Variants in EPB41L1 observed in about 807,000 individuals in gnomAD.
EPB41L1 encodes the protein band 4.1-like protein 1.
Under a neutral mutation model 97.8 loss-of-function variants are expected in EPB41L1, and 29 were observed. The ratio of observed to expected loss-of-function variants is 0.30; its 90% CI spans 0.22 to 0.40. The LOEUF is 0.40. Among genes scored for constraint, EPB41L1 ranks in the 10% least tolerant of loss-of-function variants. EPB41L1 has a pLI of 1.00. For missense variants in EPB41L1, 812 were observed against 1,162.3 expected (o/e 0.70, Z 4.38); for synonymous variants, 383 against 459.2 (o/e 0.83, Z 2.12).
chr20:36,222,398 A>G lies in EPB41L1; in HGVS notation c.2637+4A>G, dbSNP rs747113813. 2 of 1,603,940 alleles carry G rather than the reference A, an allele frequency of 1.2e-6. No homozygotes were observed. The highest frequency in any genetic ancestry group is 1.3e-5 in the African/African-American group (1 of 74,856). On this transcript the variant is annotated splice_donor_region_variant and intron_variant, in intron 21 of 21. Transcript: ENST00000338074. ...GGAGAGGGACAAGAAGCCACAGGTAAGGCTCCTGAGGCCCAGCAACCATGA... is the reference window on the plus strand; with the variant it reads ...GGAGAGGGACAAGAAGCCACAGGTAGGGCTCCTGAGGCCCAGCAACCATGA...
intron 8 of EPB41L1, among the ~76,000 whole-genome samples, 158 bp from the exon 9 acceptor site, chr20:36,188,189 G>A (rs2061764816): frequency 6.6e-6 from 1 of 152,190 alleles, no homozygotes; most frequent in African/African-American, 2.4e-5. Flanking sequence ...GAATGACTAT[G>A]GGAGGGATTG....
chr20:36,153,147 C>T (rs865942954), upstream of EPB41L1: 54 of 455,304 alleles, frequency 1.2e-4, 1 homozygote, highest in African/African-American at 7.0e-4. Context: ...TACAAAGGGA[C>T]GCAATTGTAT....
At chr20:36,157,727 C>T (rs1361006505) in intron 1 of EPB41L1, among the ~76,000 whole-genome samples, 2 of 152,156 alleles carry the variant, frequency 1.3e-5, no homozygotes, top group African/African-American at 4.8e-5. Context: ...TTAGCCTTGG[C>T]CTTCTCCTTC....
chr20:36,130,756 TTC>T (rs754299683), intron 2 of EPB41L1, among the ~76,000 whole-genome samples: 12 of 139,410 alleles, frequency 8.6e-5, no homozygotes, highest in Non-Finnish European at 1.4e-4. Flanking sequence ...TTTTTTATTT[TTC>T]TCTCTCTCTC....
chr20:36,221,971 A>C (rs1182982590), intron 20 of EPB41L1, 27 bp downstream of exon 20: 1 of 1,610,000 alleles, frequency 6.2e-7, no homozygotes, highest in African/African-American at 1.3e-5. Context: ...CGTTCTTCCC[A>C]GTGCCACTGC....
At chr20:36,185,489 T>C (rs1343972426) in intron 7 of EPB41L1, among the ~76,000 whole-genome samples, 154 bp downstream of exon 7, 1 of 152,222 alleles carries the variant, frequency 6.6e-6, no homozygotes, top group African/African-American at 2.4e-5. Flanking sequence ...AAATCATCTC[T>C]GTAAATAGGA....
At chr20:36,111,666 A>G (rs2058405956) in intron 1 of EPB41L1, among the ~76,000 whole-genome samples, 1 of 152,082 alleles carries the variant, frequency 6.6e-6, no homozygotes, top group South Asian at 2.1e-4. Context: ...GCACGCCTGT[A>G]ATCCCAGCTA....
chr20:36,200,842 C>T (rs1400435954), intron 14 of EPB41L1: 4 of 455,650 alleles, frequency 8.8e-6, no homozygotes, highest in South Asian at 6.2e-5. Flanking sequence ...TCCCTCTTTC[C>T]CTTTCCTCTG....
chr20:36,126,421 C>T, intron 2 of EPB41L1, among the ~76,000 whole-genome samples: 1 of 147,900 alleles, frequency 6.8e-6, no homozygotes, highest in Non-Finnish European at 1.5e-5. Flanking sequence ...GGCTGGAGTG[C>T]AATGGCGTGA....
intron 2 of EPB41L1, among the ~76,000 whole-genome samples, chr20:36,127,926 C>T (rs375749339): frequency 6.6e-6 from 1 of 152,162 alleles, no homozygotes. Context: ...GTCCTAGAAG[C>T]CCTACATCCT....
rs2062165792 is a variant in EPB41L1 at position 36,195,728 on chromosome 20, CT to C, written c.1485+365del. ...TGTGCTTTCATTTAGCACATCTCCC[CT>C]GACCCACCCCTTCCCTAGATTCATC... On this transcript the variant is annotated intron_variant, in intron 13 of 21. Transcript: ENST00000338074. This position sits in a 1 kb window ranked among gnomAD's most constrained non-coding sequence, Gnocchi z 4.6. Among the ~76,000 whole-genome samples, 1 of 152,224 alleles carries C rather than the reference CT, an allele frequency of 6.6e-6. No homozygotes were observed. Among genetic ancestry groups the C allele is most frequent in the Non-Finnish European group, 1.5e-5 (1 of 68,038 alleles).
chr20:36,167,828 C>A (rs1329267445), intron 1 of EPB41L1, among the ~76,000 whole-genome samples: 1 of 151,774 alleles, frequency 6.6e-6, no homozygotes, highest in African/African-American at 2.4e-5. Flanking sequence ...CTAGGAGGGC[C>A]CAAGTGGTCA....
rs1357471280 is a variant in EPB41L1, at chr20:36,225,142, T to C, written c.2637+2748T>C. 2.0e-5 allele frequency among the ~76,000 whole-genome samples: 3 copies of C among 152,244 alleles called. No homozygotes were observed. In the East Asian group the frequency reaches 5.8e-4, roughly 29 times the overall value. The stretch of plus-strand genomic sequence containing the variant: ...TGGACCTATCTAGGAAAATTTTAAA[T>C]TGCATATGTAGTTCACATTCTATTT... On this transcript the variant is annotated intron_variant, in intron 21 of 21. Transcript: ENST00000338074.
intron 7 of EPB41L1, among the ~76,000 whole-genome samples, chr20:36,185,876 T>G (rs1369278615): frequency 6.6e-6 from 1 of 152,240 alleles, no homozygotes; most frequent in East Asian, 1.9e-4. Flanking sequence ...GCACACTGCA[T>G]GTTGGCTGTT....
chr20:36,199,123 GCATTCACAGA>G (rs982950790), intron 14 of EPB41L1, among the ~76,000 whole-genome samples: 1 of 152,096 alleles, frequency 6.6e-6, no homozygotes, highest in Non-Finnish European at 1.5e-5. Context: ...TTAACTAGAG[GCATTCACAGA>G]CGACTTTTCT....
chr20:36,129,466 C>T (rs1405234209), intron 2 of EPB41L1, among the ~76,000 whole-genome samples: 3 of 152,100 alleles, frequency 2.0e-5, no homozygotes, highest in Non-Finnish European at 4.4e-5. Context: ...ATTGTTAGAT[C>T]ATTCTTGGCA....
chr20:36,206,353 G>T lies in EPB41L1; in HGVS notation c.1669-3135G>T. 1 of 1,289,902 alleles carries T rather than the reference G, an allele frequency of 7.8e-7. No homozygotes were observed. Among genetic ancestry groups the T allele is most frequent in the Non-Finnish European group, 1.0e-6 (1 of 988,890 alleles). 79.9% of individuals were successfully genotyped at this position (1,289,902 alleles called of 1,614,324 possible). On this transcript the variant is annotated intron_variant, in intron 14 of 21. Transcript: ENST00000338074. The surrounding 1 kb of genome is among the most constrained non-coding windows in gnomAD (Gnocchi z 5.5). ...AGGGACCAGGCCAGCAGAGGTGGAC[G>T]TCCTCTCTCCAGCCTCCGACAAGGG...
At chr20:36,100,753 C>G (rs529332247) in intron 1 of EPB41L1, among the ~76,000 whole-genome samples, 17 of 152,268 alleles carry the variant, frequency 1.1e-4, no homozygotes, top group Non-Finnish European at 2.1e-4. Context: ...TTTAGGTGTC[C>G]ACAGAGGGGC....
intron 1 of EPB41L1, among the ~76,000 whole-genome samples, chr20:36,111,201 G>C (rs1014326329): frequency 7.2e-5 from 11 of 152,198 alleles, no homozygotes; most frequent in African/African-American, 2.4e-4. Context: ...GTAAGTGTTA[G>C]AACCAGAATT....
Sources: gnomAD v4.1 joint callset for allele counts (sites outside exome capture counted in the v4.1 genomes callset) on GRCh38, gnomAD v4.1.1 for gene constraint, Gnocchi (gnomAD v3.1) non-coding constraint, MANE v1.5 for transcripts, NCBI Gene and HGNC (gene_info 2026-07-23, HGNC 2026-07-21) for gene names.